RBBP7: variants seen among roughly 807,000 people sequenced by gnomAD.
The protein encoded by RBBP7 is RB binding protein 7, chromatin remodeling factor.
A neutral mutation model predicts 35.2 loss-of-function variants in RBBP7; 5 were observed. The observed-to-expected ratio is 0.14, with a 90% CI of 0.07 to 0.30. RBBP7 has a LOEUF of 0.30. Among genes scored for constraint, RBBP7 ranks in the 10% least tolerant of loss-of-function variants. RBBP7 has a pLI of 1.00. For synonymous variants in RBBP7, 140 were observed against 118.7 expected, an observed-to-expected ratio of 1.18 and a Z score of -1.17; for missense variants, 155 against 327.5, an observed-to-expected ratio of 0.47 and a Z score of 4.07.
chrX:16,857,179 TTC>T (rs1930372337), intron 5 of RBBP7, among the ~76,000 whole-genome samples: 1 of 111,941 alleles, frequency 8.9e-6, no homozygotes, highest in Non-Finnish European at 1.9e-5. Context: ...GGTATGGAAT[TTC>T]TCTTTCAGAG....
At chrX:16,864,902 G>A (rs1007219591) in intron 2 of RBBP7, among the ~76,000 whole-genome samples, 4 of 108,659 alleles carry the variant, frequency 3.7e-5, no homozygotes, top group Non-Finnish European at 5.7e-5. Context: ...ATGAGGACTT[G>A]GATAAAAATC....
chrX:16,852,292 C>T, intron 8 of RBBP7, 170 bp from the exon 9 acceptor site: 1 of 531,050 alleles, frequency 1.9e-6, no homozygotes, highest in Non-Finnish European at 3.2e-6. Context: ...GGCTCAGCTC[C>T]ATCCTGTCCT....
intron 3 of RBBP7, 89 bp downstream of exon 3, chrX:16,862,866 C>G: frequency 2.0e-6 from 2 of 1,006,901 alleles, no homozygotes; most frequent in Non-Finnish European, 2.7e-6. Flanking sequence ...ATTACTGGGC[C>G]AAAAGCTAAT....
chrX:16,855,073 G>A (rs1424749911), intron 5 of RBBP7, among the ~76,000 whole-genome samples: 15 of 100,429 alleles, frequency 1.5e-4, no homozygotes, highest in Non-Finnish European at 2.8e-4. Flanking sequence ...TTTTTGAGAC[G>A]GAGTCTCACT....
chrX:16,851,445 GA>G (rs1930211683), intron 9 of RBBP7, among the ~76,000 whole-genome samples: 3 of 112,202 alleles, frequency 2.7e-5, no homozygotes, highest in East Asian at 5.6e-4. Flanking sequence ...AGGCTCAGAT[GA>G]ACAAGTAAAG....
intron 11 of RBBP7, among the ~76,000 whole-genome samples, chrX:16,845,492 C>T (rs1187317556): frequency 8.9e-6 from 1 of 111,803 alleles, no homozygotes; most frequent in Non-Finnish European, 1.9e-5. Context: ...TTGACCTCTC[C>T]TTCCTGTATC....
intron 3 of RBBP7, among the ~76,000 whole-genome samples, chrX:16,861,849 C>T (rs1930483302): frequency 8.9e-6 from 1 of 111,754 alleles, no homozygotes; most frequent in Non-Finnish European, 1.9e-5. Context: ...CTTTCTGTCA[C>T]TGATGAACTG....
chrX:16,852,013 T>C, intron 9 of RBBP7, 33 bp downstream of exon 9: 1 of 1,142,868 alleles, frequency 8.7e-7, no homozygotes, highest in Non-Finnish European at 1.2e-6. Flanking sequence ...TAGGCACATT[T>C]ATGCAGTATC....
At position 16,845,083 on chromosome X, in the gene RBBP7, A is replaced by G; in HGVS notation, c.1230T>C (p.Asp410=). 1.7e-5 allele frequency: 20 copies of G among 1,208,525 alleles called. No homozygotes were observed. The highest frequency in any genetic ancestry group is 2.2e-5 in the Non-Finnish European group (20 of 892,793). The change falls in exon 12 of 12, where the codon GAT becomes GAC. Residue 410 remains aspartate (D), a synonymous_variant. Coordinates refer to ENST00000380087, the MANE Select transcript of RBBP7 (RefSeq NM_002893.4). ...CGGATGTCGTGACATCTGACTCTTCATCATTGTAAATATTTTCAGCCTGGA... is the reference window on the plus strand; with the variant it reads ...CGGATGTCGTGACATCTGACTCTTCGTCATTGTAAATATTTTCAGCCTGGA... ...IWQMAENIYN[D]EESDVTTSEL...
At chrX:16,850,474 C>T (rs774267329) in intron 9 of RBBP7, among the ~76,000 whole-genome samples, 12 of 113,016 alleles carry the variant, frequency 1.1e-4, no homozygotes, top group Non-Finnish European at 2.1e-4. Context: ...CCTTGCTGTA[C>T]GCTTCATACA....
At chrX:16,853,632 GT>G in intron 6 of RBBP7, 49 bp downstream of exon 6, 4 of 1,038,122 alleles carry the variant, frequency 3.9e-6, no homozygotes. Context: ...ATCACTGATG[GT>G]CATTCAGGTC....
Position 16,870,057 on chromosome X carries a change from G to T in RBBP7, c.-4C>A, listed in dbSNP as rs1231570802. 1.3e-5 allele frequency: 14 copies of T among 1,077,747 alleles called. No homozygotes were observed. The highest frequency in any genetic ancestry group is 1.6e-5 in the Non-Finnish European group (13 of 819,726). 88.8% of individuals were successfully genotyped at this position (1,077,747 alleles called of 1,213,427 possible). On this transcript the variant is annotated 5_prime_UTR_variant, in exon 1 of 12. Coordinates refer to ENST00000380087, the MANE Select transcript of RBBP7 (RefSeq NM_002893.4). The stretch of plus-strand genomic sequence containing the variant: ...TCTTACTCTCTTTACTCGCCATCTT[G>T]CGTCGGGTCGTTCGCCCCTCGCCGC...
At chrX:16,869,882 C>A (rs1346087208) in intron 1 of RBBP7, 156 bp downstream of exon 1, 3 of 801,587 alleles carry the variant, frequency 3.7e-6, no homozygotes, top group South Asian at 1.3e-4. Context: ...GCGGTCCCGT[C>A]CCGCGCAGGC....
chrX:16,860,012 C>T (rs1270548443), intron 3 of RBBP7, among the ~76,000 whole-genome samples: 1 of 111,029 alleles, frequency 9.0e-6, no homozygotes, highest in Non-Finnish European at 1.9e-5. Context: ...CTACCCACTA[C>T]TCTCATGTGA....
In RBBP7 at chrX:16,845,009, A is replaced by G; in HGVS notation, c.*26T>C. On this transcript the variant is annotated 3_prime_UTR_variant, in exon 12 of 12. Transcript: ENST00000380087. ...AAGCATTCATGTAGCATTACATTCAACAGAAACATTTCTCGTACTTTGGGT... is the reference window on the plus strand; with the variant it reads ...AAGCATTCATGTAGCATTACATTCAGCAGAAACATTTCTCGTACTTTGGGT... 8.5e-7 allele frequency: 1 copy of G among 1,183,155 alleles called. No individual in the cohort carries two copies. Among genetic ancestry groups the G allele is most frequent in the Non-Finnish European group, 1.1e-6 (1 of 870,285 alleles).
At chrX:16,846,675 A>G (rs756884602) in intron 10 of RBBP7, 2 of 112,443 alleles carry the variant, frequency 1.8e-5, no homozygotes, top group South Asian at 7.4e-4. Context: ...GATTTAAACG[A>G]AACACTTCTT....
chrX:16,850,046 TA>T (rs1383694945), intron 9 of RBBP7, among the ~76,000 whole-genome samples: 1 of 112,073 alleles, frequency 8.9e-6, no homozygotes, highest in African/African-American at 3.2e-5. Flanking sequence ...TAACAACTAC[TA>T]AAAAACAAAA....
Position 16,852,893 on chromosome X carries a change from A to C in RBBP7, c.759-18T>G, listed in dbSNP as rs1930244419. On this transcript the variant is annotated intron_variant, in intron 6 of 11. Transcript: ENST00000380087. The stretch of plus-strand genomic sequence containing the variant: ...TGTCCCATCTAAAACACAAAGGTAA[A>C]GGCACACGGCACCCAGGGATGACAC... The C allele has an allele frequency of 8.3e-7, 1 of 1,210,439 alleles. No homozygotes were observed. The highest frequency in any genetic ancestry group is 1.1e-6 in the Non-Finnish European group (1 of 895,133).
Position 16,845,945 on chromosome X carries a change from C to A in RBBP7, c.1099-7G>T, listed in dbSNP as rs775561961. The A allele has an allele frequency of 5.8e-6, 7 of 1,199,674 alleles. No individual in the cohort carries two copies. The East Asian group carries it at 1.8e-4, about 31-fold the overall frequency. ...TGTGTCCTCCATGAATAAACTGTTA[C>A]AAGAACAAAAAAAGCTTTGATTTCA... On this transcript the variant is annotated splice_region_variant and splice_polypyrimidine_tract_variant and intron_variant, in intron 10 of 11. Coordinates refer to ENST00000380087, the MANE Select transcript of RBBP7 (RefSeq NM_002893.4).
Sources: gnomAD v4.1 joint callset for allele counts (sites outside exome capture counted in the v4.1 genomes callset) on GRCh38, gnomAD v4.1.1 for gene constraint, MANE v1.5 for transcripts, NCBI Gene and HGNC (gene_info 2026-07-23, HGNC 2026-07-21) for gene names.